The following EPG5 variants were observed in gnomAD, a reference collection of about 807,000 sequenced individuals.
The protein encoded by EPG5 is ectopic P granules protein 5 homolog.
EPG5 carries 159 observed loss-of-function variants against 302.7 expected under a neutral mutation model. That is an observed-to-expected ratio of 0.53 (90% CI 0.46 to 0.60). The LOEUF (loss-of-function observed/expected upper bound fraction) is 0.60. EPG5 is among the 20% of genes least tolerant of loss of function. EPG5 has a pLI of 0.00. For synonymous variants in EPG5, 1,158 were observed against 1,136.8 expected, an observed-to-expected ratio of 1.02 and a Z score of -0.37; for missense variants, 2,896 against 3,092.4, an observed-to-expected ratio of 0.94 and a Z score of 1.51.
intron 39 of EPG5, 94 bp from the exon 40 acceptor site, chr18:45,860,440 C>G (rs2048610939): frequency 1.3e-6 from 2 of 1,525,320 alleles, no homozygotes; most frequent in African/African-American, 2.7e-5. Context: ...TAGCTGTTCT[C>G]CAGGCAGATT....
intron 34 of EPG5, among the ~76,000 whole-genome samples, chr18:45,877,355 G>T (rs527282475): frequency 6.6e-6 from 1 of 152,302 alleles, no homozygotes; most frequent in East Asian, 1.9e-4. Flanking sequence ...GGAGGCAGAG[G>T]TTGCAGTGAG....
intron 35 of EPG5, 118 bp downstream of exon 35, chr18:45,876,118 C>T: frequency 3.0e-6 from 2 of 666,524 alleles, no homozygotes; most frequent in South Asian, 1.8e-5. Context: ...AGCGACTTTT[C>T]TTCAGTCACA....
the EPG5 span, among the ~76,000 whole-genome samples, chr18:45,830,583 CTTT>C: frequency 1.0e-4 from 10 of 96,700 alleles, no homozygotes; most frequent in Admixed American, 4.3e-4. Flanking sequence ...ATTTTTCTTT[CTTT>C]TTTTTTTTTT....
At chr18:45,891,558 T>G (rs2049349101) in intron 27 of EPG5, among the ~76,000 whole-genome samples, 1 of 152,032 alleles carries the variant, frequency 6.6e-6, no homozygotes, top group Non-Finnish European at 1.5e-5. Flanking sequence ...TTGTTTTACT[T>G]ACCCAGAACC....
chr18:45,964,266 G>T (rs1194701890), intron 1 of EPG5, among the ~76,000 whole-genome samples: 2 of 152,126 alleles, frequency 1.3e-5, no homozygotes, highest in Non-Finnish European at 2.9e-5. Flanking sequence ...TCTATCTATG[G>T]AAAGACAAAA....
chr18:45,950,568 T>C (rs1383356915), intron 4 of EPG5, among the ~76,000 whole-genome samples: 1 of 152,194 alleles, frequency 6.6e-6, no homozygotes, highest in East Asian at 1.9e-4. Context: ...AAACCTCCTT[T>C]TCTTCCCAGT....
the EPG5 span, among the ~76,000 whole-genome samples, chr18:45,824,275 T>C: frequency 5.3e-5 from 8 of 152,198 alleles, no homozygotes; most frequent in Admixed American, 1.3e-4. Flanking sequence ...GGCACAATCT[T>C]GGCTCACTGC....
the EPG5 span, chr18:45,829,060 C>T: frequency 2.0e-6 from 2 of 983,832 alleles, no homozygotes; most frequent in African/African-American, 3.5e-5. Flanking sequence ...ACTATGGAGG[C>T]TGGGCAGGGG....
At chr18:45,906,337 A>C (rs2049750819) in intron 24 of EPG5, among the ~76,000 whole-genome samples, 1 of 152,218 alleles carries the variant, frequency 6.6e-6, no homozygotes, top group South Asian at 2.1e-4. Flanking sequence ...TATTTAGAAA[A>C]GTATACATGG....
chr18:45,899,714 G>T, intron 26 of EPG5, 148 bp from the exon 27 acceptor site: 1 of 734,498 alleles, frequency 1.4e-6, no homozygotes, highest in Non-Finnish European at 2.2e-6. Context: ...TGTGAGCCAA[G>T]ACTTACCCAA....
At chr18:45,832,055 T>G in the EPG5 span, among the ~76,000 whole-genome samples, 4 of 152,232 alleles carry the variant, frequency 2.6e-5, no homozygotes, top group African/African-American at 7.2e-5. Context: ...CCCTGTGGCA[T>G]CACCCTGAGC....
At chr18:45,826,313 A>C in the EPG5 span, among the ~76,000 whole-genome samples, 1 of 152,312 alleles carries the variant, frequency 6.6e-6, no homozygotes, top group Admixed American at 6.5e-5. Context: ...GGTTTAAGCA[A>C]CAATGTCATC....
the EPG5 span, among the ~76,000 whole-genome samples, chr18:45,809,051 T>A: frequency 6.6e-6 from 1 of 152,156 alleles, no homozygotes; most frequent in Non-Finnish European, 1.5e-5. Context: ...AAAAGACATT[T>A]CATGCAAATT....
At chr18:45,962,201 C>G (rs2051164244) in intron 1 of EPG5, among the ~76,000 whole-genome samples, 1 of 152,146 alleles carries the variant, frequency 6.6e-6, no homozygotes, top group Non-Finnish European at 1.5e-5. Context: ...CAGCATCCCC[C>G]AACTTCAAAC....
At chr18:45,960,925 G>A (rs1160247146) in intron 1 of EPG5, among the ~76,000 whole-genome samples, 1 of 151,504 alleles carries the variant, frequency 6.6e-6, no homozygotes, top group Non-Finnish European at 1.5e-5. Context: ...CATGTCCAAG[G>A]CTACTCCACA....
intron 11 of EPG5, among the ~76,000 whole-genome samples, chr18:45,932,795 C>T (rs189141791): frequency 4.3e-4 from 65 of 152,204 alleles, no homozygotes; most frequent in African/African-American, 1.6e-3. Flanking sequence ...GTGATACAGG[C>T]CCTAAGGGAG....
the EPG5 span, among the ~76,000 whole-genome samples, chr18:45,826,140 G>T: frequency 6.6e-6 from 1 of 152,108 alleles, no homozygotes; most frequent in Non-Finnish European, 1.5e-5. Flanking sequence ...CCCAAGTGCC[G>T]TGTGTTTTGA....
At chr18:45,875,752 G>GT (rs1243033639) in intron 35 of EPG5, among the ~76,000 whole-genome samples, 1 of 152,040 alleles carries the variant, frequency 6.6e-6, no homozygotes, top group Non-Finnish European at 1.5e-5. Flanking sequence ...ACAAAAAAAG[G>GT]TAAGAAGTTA....
At chr18:45,838,024 T>C in the EPG5 span, 1 of 1,194,520 alleles carries the variant, frequency 8.4e-7, no homozygotes, top group African/African-American at 1.6e-5. Context: ...CCCTCTCCTC[T>C]ACCCCAGGGA....
Sources: allele counts gnomAD v4.1 joint callset (sites outside exome capture counted in the v4.1 genomes callset), GRCh38; gene constraint gnomAD v4.1.1; transcripts MANE v1.5; gene names NCBI Gene and HGNC (gene_info 2026-07-23, HGNC 2026-07-21).